Variants in ASIC2 observed in about 807,000 individuals in gnomAD.
ASIC2 encodes the protein acid-sensing ion channel 2.
A neutral mutation model predicts 57.3 loss-of-function variants in ASIC2; 25 were observed. That is an observed-to-expected ratio of 0.44 (90% CI 0.32 to 0.61). The LOEUF (loss-of-function observed/expected upper bound fraction) is 0.61, where lower values mean the gene tolerates loss of function less well. Ranked by LOEUF, ASIC2 falls within the 20% of genes least tolerant of loss-of-function variation. ASIC2 has a pLI of 0.06. For missense variants in ASIC2, 641 were observed against 738.1 expected, an observed-to-expected ratio of 0.87 and a Z score of 1.52; for synonymous variants, 319 against 307.5, an observed-to-expected ratio of 1.04 and a Z score of -0.39.
intron 7 of ASIC2, 48 bp from the exon 8 acceptor site, chr17:33,017,732 A>T (rs1288659773): frequency 6.4e-7 from 1 of 1,555,906 alleles, no homozygotes; most frequent in African/African-American, 1.4e-5. Flanking sequence ...TGCAGCTTCC[A>T]GGAAGGGTGA....
At chr17:33,212,330 G>A (rs183230611) in intron 1 of ASIC2, among the ~76,000 whole-genome samples, 51 of 152,290 alleles carry the variant, frequency 3.3e-4, no homozygotes, top group Non-Finnish European at 8.8e-5. Context: ...TGTGACCACA[G>A]AAGAGGAGAT....
chr17:33,231,102 A>G, intron 1 of ASIC2, among the ~76,000 whole-genome samples: 1 of 152,122 alleles, frequency 6.6e-6, no homozygotes. Context: ...TCGAGGTGCA[A>G]AGAGCTGGAC....
At chr17:34,113,854 A>C (rs80229087) in intron 1 of ASIC2, among the ~76,000 whole-genome samples, 2,190 of 152,294 alleles carry the variant, frequency 0.014, 53 homozygotes, top group East Asian at 0.059. Context: ...CAGCCTAGGC[A>C]ACAGAGACCA....
At chr17:33,278,757 A>T (rs78668770) in intron 1 of ASIC2, among the ~76,000 whole-genome samples, 1 of 147,904 alleles carries the variant, frequency 6.8e-6, no homozygotes. Flanking sequence ...GTCCACATAT[A>T]TTTTTTTTTT....
At chr17:33,544,673 G>A (rs940683590) in intron 1 of ASIC2, among the ~76,000 whole-genome samples, 1 of 152,012 alleles carries the variant, frequency 6.6e-6, no homozygotes, top group South Asian at 2.1e-4. Flanking sequence ...AGAAAGAAAA[G>A]CATTTCACAA....
chr17:33,594,750 C>G (rs985562148), intron 1 of ASIC2, among the ~76,000 whole-genome samples: 1 of 151,728 alleles, frequency 6.6e-6, no homozygotes, highest in Non-Finnish European at 1.5e-5. Flanking sequence ...ATGACGTGAA[C>G]CCGGGAGGTG....
At chr17:33,120,581 A>G (rs113550374) in intron 1 of ASIC2, among the ~76,000 whole-genome samples, 1 of 152,204 alleles carries the variant, frequency 6.6e-6, no homozygotes, top group African/African-American at 2.4e-5. Flanking sequence ...CCCTCCTGAC[A>G]ACTCATCTGA....
rs564674447 is a variant in ASIC2, at chr17:33,429,947, G to A, written c.556-317880C>T. Among the ~76,000 whole-genome samples the A allele has an allele frequency of 8.5e-5, 13 of 152,236 alleles. No homozygotes were observed. The South Asian group carries it at 2.7e-3, about 32-fold the overall frequency. On this transcript the variant is annotated intron_variant, in intron 1 of 9. Coordinates refer to the ASIC2 transcript ENST00000359872. ...AGCCTGTGCACAAAAGGGATCCAGT[G>A]CACAGGAATCACTACCTTCAAAATA...
intron 1 of ASIC2, among the ~76,000 whole-genome samples, chr17:33,329,992 T>C (rs968353577): frequency 1.4e-4 from 21 of 152,206 alleles, no homozygotes; most frequent in African/African-American, 5.1e-4. Flanking sequence ...ATATCCTACC[T>C]GTCCCTGTAG....
At chr17:33,366,536 T>C (rs1908816097) in intron 1 of ASIC2, among the ~76,000 whole-genome samples, 2 of 152,190 alleles carry the variant, frequency 1.3e-5, no homozygotes. Flanking sequence ...CCAGGGAGCC[T>C]TCTTTGACAT....
In ASIC2 at chr17:33,013,892, G is replaced by T; in HGVS notation, c.*73C>A. On this transcript the variant is annotated 3_prime_UTR_variant, in exon 10 of 10. Coordinates refer to ENST00000225823, the MANE Select transcript of ASIC2 (RefSeq NM_183377.2). ...CCAGCACTGGGGCCATCCCACCTGA[G>T]CTTGCTGTTCCTTGTCCTGGGTCTT... 1 of 1,326,644 alleles carries T rather than the reference G, an allele frequency of 7.5e-7. No individual in the cohort carries two copies. Among genetic ancestry groups the T allele is most frequent in the Non-Finnish European group, 1.1e-6 (1 of 941,942 alleles). 82.2% of individuals were successfully genotyped at this position (1,326,644 alleles called of 1,614,324 possible).
chr17:33,169,840 G>A (rs1047901623), intron 1 of ASIC2, among the ~76,000 whole-genome samples: 2 of 152,090 alleles, frequency 1.3e-5, no homozygotes, highest in Non-Finnish European at 2.9e-5. Flanking sequence ...TAGCCCTCAC[G>A]GCTACCTCTG....
intron 2 of ASIC2, among the ~76,000 whole-genome samples, chr17:33,103,172 T>A (rs543414066): frequency 2.4e-4 from 36 of 152,312 alleles, no homozygotes; most frequent in African/African-American, 8.7e-4. Flanking sequence ...TCATCTCTTA[T>A]CTCTCTTGAG....
In ASIC2 at chr17:33,819,957, T is replaced by C. The variant is rs941263986; in HGVS notation, c.555+336021A>G. Among the ~76,000 whole-genome samples, 4 of 152,212 alleles carry C rather than the reference T, an allele frequency of 2.6e-5. No homozygotes were observed. The South Asian group carries it at 8.3e-4, about 32-fold the overall frequency. On this transcript the variant is annotated intron_variant, in intron 1 of 9. Transcript: ENST00000359872. Reference sequence around the variant, plus strand: ...CTGTATGTCACCTCAGGCTTCGGTCTCCTGCCTCTGAATTCCCTTTGCTGC... The same window carrying C: ...CTGTATGTCACCTCAGGCTTCGGTCCCCTGCCTCTGAATTCCCTTTGCTGC...
At chr17:33,924,245 C>T (rs985144761) in intron 1 of ASIC2, among the ~76,000 whole-genome samples, 2 of 152,230 alleles carry the variant, frequency 1.3e-5, no homozygotes, top group Non-Finnish European at 2.9e-5. Context: ...AACAGCCCAG[C>T]GTGCTCCTCC....
At chr17:33,692,222 G>C (rs1487114313) in intron 1 of ASIC2, 1 of 152,034 alleles carries the variant, frequency 6.6e-6, no homozygotes, top group African/African-American at 2.4e-5. Flanking sequence ...TCCTTCCTGT[G>C]CTAATCAACC....
chr17:33,552,413 A>C (rs368921165), intron 1 of ASIC2, among the ~76,000 whole-genome samples: 17 of 152,196 alleles, frequency 1.1e-4, no homozygotes, highest in African/African-American at 4.1e-4. Flanking sequence ...GACCTTTGCC[A>C]ACTCATGCTT....
intron 1 of ASIC2, among the ~76,000 whole-genome samples, chr17:34,011,178 T>C (rs1906742457): frequency 1.6e-5 from 1 of 62,368 alleles, no homozygotes; most frequent in Non-Finnish European, 3.5e-5. Context: ...CAGTCAAACA[T>C]GCACAGATGC....
chr17:33,109,875 C>T (rs749413610), intron 2 of ASIC2, among the ~76,000 whole-genome samples: 13 of 152,150 alleles, frequency 8.5e-5, no homozygotes, highest in Non-Finnish European at 1.9e-4. Context: ...GAAGAGATGA[C>T]CTCAGAGGTT....
Sources: gnomAD v4.1 joint callset for allele counts (sites outside exome capture counted in the v4.1 genomes callset) on GRCh38, gnomAD v4.1.1 for gene constraint, MANE v1.5 for transcripts, NCBI Gene and HGNC (gene_info 2026-07-23, HGNC 2026-07-21) for gene names.